Variants in NOL10 observed in about 807,000 individuals in gnomAD.
NOL10 encodes the protein nucleolar protein 10.
Under a neutral mutation model 103.5 loss-of-function variants are expected in NOL10, and 58 were observed. The observed-to-expected ratio is 0.56, with a 90% CI of 0.45 to 0.70. The LOEUF is 0.70. Ranked by LOEUF, NOL10 falls within the 30% of genes least tolerant of loss-of-function variation. The probability of loss-of-function intolerance (pLI) is 0.00; values close to 1 mark genes in which losing one functional copy is unlikely to be tolerated. For missense variants in NOL10, 763 were observed against 807.3 expected, an observed-to-expected ratio of 0.95 and a Z score of 0.67; for synonymous variants, 287 against 282.5, an observed-to-expected ratio of 1.02 and a Z score of -0.16.
intron 11 of NOL10, 70 bp downstream of exon 11, chr2:10,657,672 A>G (rs1463454629): frequency 2.3e-6 from 3 of 1,323,658 alleles, no homozygotes; most frequent in East Asian, 5.1e-5. Flanking sequence ...AAAAAAGGAA[A>G]GGGAGAGGAA....
chr2:10,610,173 C>T lies in NOL10; in HGVS notation c.1027-2862G>A, dbSNP rs189069576. Among the ~76,000 whole-genome samples, 599 of 152,306 alleles carry T rather than the reference C, an allele frequency of 3.9e-3. 2 individuals carry two copies. Among genetic ancestry groups the T allele is most frequent in the South Asian group, 0.011 (51 of 4,820 alleles). ...GGGTACACTGTTACCCAAAGAACCT[C>T]AAAATAAATTGTTCCACCTTTTTAA... On this transcript the variant is annotated intron_variant, in intron 13 of 20. Coordinates refer to ENST00000381685, the MANE Select transcript of NOL10 (RefSeq NM_024894.4).
intron 5 of NOL10, 96 bp from the exon 6 acceptor site, chr2:10,671,786 CCT>C: frequency 2.4e-6 from 2 of 825,604 alleles, no homozygotes; most frequent in Non-Finnish European, 3.8e-6. Flanking sequence ...AAAACCCTTA[CCT>C]CTCTCTCACT....
chr2:10,609,741 A>C (rs952316574), intron 13 of NOL10, among the ~76,000 whole-genome samples: 3 of 152,230 alleles, frequency 2.0e-5, no homozygotes, highest in Non-Finnish European at 4.4e-5. Context: ...CTGCAAATGC[A>C]AAGCTCTATC....
intron 13 of NOL10, among the ~76,000 whole-genome samples, chr2:10,638,338 G>GTAACGTAACGTAACC (rs1331181195): frequency 4.6e-5 from 6 of 131,756 alleles, no homozygotes; most frequent in African/African-American, 1.9e-4. Flanking sequence ...GTGACGTAAC[G>GTAACGTAACGTAACC]TAACGTAACG....
chr2:10,630,397 C>A (rs899179153), intron 13 of NOL10, among the ~76,000 whole-genome samples: 1 of 152,174 alleles, frequency 6.6e-6, no homozygotes, highest in Non-Finnish European at 1.5e-5. Context: ...CCAGCTGTCA[C>A]CAACTTGCCA....
At chr2:10,588,873 C>T (rs1404170815) in intron 19 of NOL10, among the ~76,000 whole-genome samples, 170 bp downstream of exon 19, 1 of 152,172 alleles carries the variant, frequency 6.6e-6, no homozygotes, top group Non-Finnish European at 1.5e-5. Context: ...CTGGGTGCTT[C>T]CCTCACATCA....
At chr2:10,580,974 AT>A (rs946297830) in intron 19 of NOL10, among the ~76,000 whole-genome samples, 1 of 152,222 alleles carries the variant, frequency 6.6e-6, no homozygotes, top group Non-Finnish European at 1.5e-5. Context: ...AGGATTAAGT[AT>A]TTTTTAAATT....
At chr2:10,629,994 T>C in intron 13 of NOL10, among the ~76,000 whole-genome samples, 1 of 152,222 alleles carries the variant, frequency 6.6e-6, no homozygotes, top group East Asian at 1.9e-4. Flanking sequence ...CTCACTATGT[T>C]GCCCAGGCTG....
chr2:10,594,799 C>T (rs193171668), intron 17 of NOL10, among the ~76,000 whole-genome samples: 306 of 151,828 alleles, frequency 2.0e-3, no homozygotes, highest in Non-Finnish European at 3.6e-3. Context: ...GAGACCAGCC[C>T]GGACAACACA....
At chr2:10,594,241 C>T (rs1431024854) in intron 17 of NOL10, among the ~76,000 whole-genome samples, 2 of 152,132 alleles carry the variant, frequency 1.3e-5, no homozygotes, top group Non-Finnish European at 1.5e-5. Flanking sequence ...AGCAACTTCC[C>T]GAGGAAAAGC....
intron 13 of NOL10, among the ~76,000 whole-genome samples, chr2:10,616,660 C>T (rs1233553505): frequency 6.6e-6 from 1 of 152,058 alleles, no homozygotes; most frequent in Non-Finnish European, 1.5e-5. Flanking sequence ...GCAATCCTCC[C>T]ACCTCAGCCC....
chr2:10,648,305 C>G lies in NOL10; in HGVS notation c.974-3933G>C, dbSNP rs548196147. On this transcript the variant is annotated intron_variant, in intron 12 of 20. Transcript: ENST00000381685. The stretch of plus-strand genomic sequence containing the variant: ...TCAGCTTTTCTAAACTATGATTAAG[C>G]CCACAATGATTAAGCACCAGACACA... 2.0e-4 allele frequency among the ~76,000 whole-genome samples: 30 copies of G among 152,172 alleles called. No homozygotes were observed. The South Asian group carries it at 3.7e-3, about 19-fold the overall frequency.
chr2:10,637,206 A>AAAAC (rs1678310398), intron 13 of NOL10, among the ~76,000 whole-genome samples: 3 of 150,794 alleles, frequency 2.0e-5, no homozygotes, highest in South Asian at 2.1e-4. Context: ...AAAAAAAAAA[A>AAAAC]AAAAAAACAC....
Position 10,602,856 on chromosome 2 carries a change from G to T in NOL10, c.1252C>A (p.Pro418Thr), listed in dbSNP as rs780960969. Reference sequence around the variant, plus strand: ...TTCCTATATTCTTCATAAGCAAATGGATTTACCATCAGTTTCACCTTTTCA... The same window carrying T: ...TTCCTATATTCTTCATAAGCAAATGTATTTACCATCAGTTTCACCTTTTCA... The part of the protein sequence containing the change: ...LYHKVKLMVN[P>T]FAYEEYRKDK... Residue 418 changes from proline to threonine, a missense_variant, in exon 16 of 21, where the codon CCA becomes ACA. Transcript: ENST00000381685. 1 of 1,604,034 alleles carries T rather than the reference G, an allele frequency of 6.2e-7. No homozygotes were observed. Among genetic ancestry groups the T allele is most frequent in the African/African-American group, 1.3e-5 (1 of 74,568 alleles).
At chr2:10,667,947 C>A (rs7578672) in intron 7 of NOL10, among the ~76,000 whole-genome samples, 9 of 152,172 alleles carry the variant, frequency 5.9e-5, no homozygotes, top group African/African-American at 1.7e-4. Context: ...CAAAGCAATA[C>A]GAGAAATTCA....
chr2:10,657,925 G>C lies in NOL10; in HGVS notation c.757-34C>G, dbSNP rs150796207. 1,261 of 1,446,182 alleles carry C rather than the reference G, an allele frequency of 8.7e-4. 13 individuals carry two copies. In the African/African-American group the frequency reaches 0.015, roughly 17 times the overall value. The allele number at this position is 1,446,182 out of a possible 1,614,324, so 89.6% of individuals were successfully genotyped here. A position where few individuals can be genotyped will look rare whatever the true frequency, so the allele number is the denominator to read the frequency against. On this transcript the variant is annotated intron_variant, in intron 10 of 20. Transcript: ENST00000381685. ...AAATTATTTCTGTTTAAACAAACTAGACATTTTATCTTCAAAGGAAATATT... is the reference window on the plus strand; with the variant it reads ...AAATTATTTCTGTTTAAACAAACTACACATTTTATCTTCAAAGGAAATATT...
chr2:10,635,095 A>C (rs1678112901), intron 13 of NOL10, among the ~76,000 whole-genome samples: 1 of 152,186 alleles, frequency 6.6e-6, no homozygotes, highest in African/African-American at 2.4e-5. Flanking sequence ...CCCAAGTCTA[A>C]ACATGAAATT....
At chr2:10,624,182 T>TC (rs1677310259) in intron 13 of NOL10, among the ~76,000 whole-genome samples, 1 of 151,980 alleles carries the variant, frequency 6.6e-6, no homozygotes, top group Non-Finnish European at 1.5e-5. Flanking sequence ...TCTTTTCTTT[T>TC]TTTTTTTTTT....
At chr2:10,687,974 A>G (rs1034554807) in intron 1 of NOL10, among the ~76,000 whole-genome samples, 1 of 152,054 alleles carries the variant, frequency 6.6e-6, no homozygotes, top group Non-Finnish European at 1.5e-5. Flanking sequence ...TCCACCTTTC[A>G]ATGTGTTCCT....
Sources: gnomAD v4.1 joint callset for allele counts (sites outside exome capture counted in the v4.1 genomes callset) on GRCh38, gnomAD v4.1.1 for gene constraint, MANE v1.5 for transcripts, NCBI Gene and HGNC (gene_info 2026-07-23, HGNC 2026-07-21) for gene names.